The following CCSER1 variants were observed in gnomAD, a reference collection of about 807,000 sequenced individuals.
The protein encoded by CCSER1 is serine-rich coiled-coil domain-containing protein 1.
CCSER1 carries 41 observed loss-of-function variants against 82.0 expected under a neutral mutation model. The observed-to-expected ratio is 0.50, with a 90% CI of 0.39 to 0.65. The LOEUF (loss-of-function observed/expected upper bound fraction) is 0.65. Ranked by LOEUF, CCSER1 falls within the 30% of genes least tolerant of loss-of-function variation. CCSER1 has a pLI of 0.00. For synonymous variants in CCSER1, 414 were observed against 383.9 expected (o/e 1.08, Z -0.92); for missense variants, 1,119 against 1,064.2 (o/e 1.05, Z -0.72).
At chr4:91,266,174 A>G (rs1409959111) in intron 10 of CCSER1, among the ~76,000 whole-genome samples, 1 of 152,014 alleles carries the variant, frequency 6.6e-6, no homozygotes, top group African/African-American at 2.4e-5. Context: ...GAGCAAAACC[A>G]TGTAAGATTG....
intron 4 of CCSER1, among the ~76,000 whole-genome samples, chr4:90,431,754 G>T (rs1758301974): frequency 6.6e-6 from 1 of 152,072 alleles, no homozygotes; most frequent in Admixed American, 6.6e-5. Flanking sequence ...TTATCCTCTA[G>T]TTGAAATAAA....
intron 1 of CCSER1, among the ~76,000 whole-genome samples, chr4:90,149,183 C>T (rs1726355540): frequency 6.6e-6 from 1 of 151,974 alleles, no homozygotes; most frequent in Non-Finnish European, 1.5e-5. Context: ...TGATATTTTT[C>T]TTATTTTGAA....
intron 10 of CCSER1, among the ~76,000 whole-genome samples, chr4:91,429,823 C>G (rs904381465): frequency 6.6e-6 from 1 of 151,520 alleles, no homozygotes; most frequent in Non-Finnish European, 1.5e-5. Flanking sequence ...ATCTCAGTTA[C>G]GTGTTTTTTT....
intron 5 of CCSER1, among the ~76,000 whole-genome samples, chr4:90,580,610 C>G (rs534010568): frequency 6.6e-6 from 1 of 152,328 alleles, no homozygotes; most frequent in Non-Finnish European, 1.5e-5. Flanking sequence ...GCTCAGAGCT[C>G]ATTTCCTAGG....
intron 9 of CCSER1, among the ~76,000 whole-genome samples, chr4:90,924,821 G>T (rs1728848481): frequency 6.6e-6 from 1 of 152,072 alleles, no homozygotes; most frequent in Non-Finnish European, 1.5e-5. Flanking sequence ...CCGCCTCCTG[G>T]GTTCAAGTGA....
intron 9 of CCSER1, among the ~76,000 whole-genome samples, chr4:90,951,484 A>C (rs1303385656): frequency 1.3e-5 from 2 of 152,080 alleles, no homozygotes; most frequent in Non-Finnish European, 2.9e-5. Context: ...ATGTCTCATG[A>C]GGCGGAAAGA....
chr4:90,834,359 G>A (rs971452448), intron 8 of CCSER1, among the ~76,000 whole-genome samples: 1 of 152,162 alleles, frequency 6.6e-6, no homozygotes, highest in African/African-American at 2.4e-5. Context: ...CCCTCAGTAA[G>A]TTGAATAAAG....
chr4:91,534,031 C>T (rs548613589), intron 10 of CCSER1, among the ~76,000 whole-genome samples: 1 of 152,152 alleles, frequency 6.6e-6, no homozygotes, highest in Non-Finnish European at 1.5e-5. Flanking sequence ...AAGCTACTTT[C>T]CTATTCAAAA....
intron 10 of CCSER1, among the ~76,000 whole-genome samples, chr4:91,317,495 T>C (rs1745914774): frequency 6.6e-6 from 1 of 152,030 alleles, no homozygotes; most frequent in Non-Finnish European, 1.5e-5. Flanking sequence ...TAGGGCTCTC[T>C]GTTTTCTTTA....
At chr4:90,775,170 A>G (rs1404954458) in intron 7 of CCSER1, among the ~76,000 whole-genome samples, 1 of 152,146 alleles carries the variant, frequency 6.6e-6, no homozygotes, top group East Asian at 1.9e-4. Flanking sequence ...ATATCCTCCT[A>G]TATAGACCAT....
At chr4:90,622,588 G>A (rs1320342409) in intron 5 of CCSER1, among the ~76,000 whole-genome samples, 2 of 152,086 alleles carry the variant, frequency 1.3e-5, no homozygotes, top group African/African-American at 4.8e-5. Context: ...TCACTACAAA[G>A]GACATGAACT....
At chr4:91,005,788 G>A (rs1490464499) in intron 9 of CCSER1, among the ~76,000 whole-genome samples, 2 of 152,132 alleles carry the variant, frequency 1.3e-5, no homozygotes, top group Non-Finnish European at 2.9e-5. Context: ...TCTTATGAAT[G>A]TGGATATCCA....
intron 1 of CCSER1, among the ~76,000 whole-genome samples, chr4:90,193,944 C>T (rs1341093389): frequency 1.3e-5 from 2 of 151,982 alleles, no homozygotes; most frequent in African/African-American, 4.8e-5. Context: ...GCAAGATGGT[C>T]ATTTAAATAT....
intron 8 of CCSER1, among the ~76,000 whole-genome samples, chr4:90,903,341 T>G (rs2150157740): frequency 6.6e-6 from 1 of 152,160 alleles, no homozygotes. Context: ...ATCTTCTTCA[T>G]TTTCTCTTGC....
chr4:91,048,055 C>T (rs558777718), intron 9 of CCSER1, among the ~76,000 whole-genome samples: 106 of 152,018 alleles, frequency 7.0e-4, no homozygotes, highest in African/African-American at 2.3e-3. Context: ...TATTCACTCA[C>T]CCCAACTGAA....
chr4:90,572,953 C>A (rs1780292887), intron 5 of CCSER1, among the ~76,000 whole-genome samples: 1 of 152,230 alleles, frequency 6.6e-6, no homozygotes, highest in African/African-American at 2.4e-5. Flanking sequence ...CTATTCCAGT[C>A]CTCATGGACT....
At chr4:91,163,317 C>T (rs183419070) in intron 10 of CCSER1, among the ~76,000 whole-genome samples, 1 of 152,182 alleles carries the variant, frequency 6.6e-6, no homozygotes, top group Non-Finnish European at 1.5e-5. Flanking sequence ...GATGTCTGTT[C>T]TTTTACATTG....
intron 10 of CCSER1, among the ~76,000 whole-genome samples, chr4:91,532,624 G>T (rs150490214): frequency 6.6e-6 from 1 of 152,050 alleles, no homozygotes; most frequent in African/African-American, 2.4e-5. Flanking sequence ...GGGCGTGGTC[G>T]CTCATGTCTG....
At chr4:90,208,006 C>T (rs1172712847) in intron 1 of CCSER1, among the ~76,000 whole-genome samples, 1 of 152,164 alleles carries the variant, frequency 6.6e-6, no homozygotes, top group Admixed American at 6.5e-5. Flanking sequence ...CAATCTGTCC[C>T]TTAGCAGAGC....
Sources: gnomAD v4.1 joint callset for allele counts (sites outside exome capture counted in the v4.1 genomes callset) on GRCh38, gnomAD v4.1.1 for gene constraint, MANE v1.5 for transcripts, NCBI Gene and HGNC (gene_info 2026-07-23, HGNC 2026-07-21) for gene names.